TADA3: variants seen among roughly 807,000 people sequenced by gnomAD.
The protein encoded by TADA3 is transcriptional adapter 3.
In TADA3, 25 loss-of-function variants were observed where a neutral mutation model predicts 43.2. That is an observed-to-expected ratio of 0.58 (90% CI 0.42 to 0.81). The LOEUF (loss-of-function observed/expected upper bound fraction) is 0.81. Among genes scored for constraint, TADA3 ranks in the 30% least tolerant of loss-of-function variants. The pLI, the probability that TADA3 is intolerant of heterozygous loss-of-function variation, is 0.00. For synonymous variants in TADA3, 235 were observed against 225.5 expected, an observed-to-expected ratio of 1.04 and a Z score of -0.38; for missense variants, 441 against 567.8, an observed-to-expected ratio of 0.78 and a Z score of 2.27.
chr3:9,781,132 A>G (rs1050555973), intron 8 of TADA3, among the ~76,000 whole-genome samples: 4 of 149,498 alleles, frequency 2.7e-5, no homozygotes, highest in Admixed American at 2.7e-4. Flanking sequence ...TGTGTCTTCA[A>G]AAAAAAAAAG....
At chr3:9,785,052 T>C (rs2078574825) in intron 7 of TADA3, among the ~76,000 whole-genome samples, 1 of 152,348 alleles carries the variant, frequency 6.6e-6, no homozygotes, top group South Asian at 2.1e-4. Context: ...TATTTCATCA[T>C]ATGGAGTTAT....
chr3:9,785,944 T>TG (rs1247642352), intron 6 of TADA3, among the ~76,000 whole-genome samples: 1 of 149,872 alleles, frequency 6.7e-6, no homozygotes, highest in Non-Finnish European at 1.5e-5. Flanking sequence ...TTTGTTTTGT[T>TG]TTTTTTTTTT....
intron 1 of TADA3, 102 bp from the exon 2 acceptor site, chr3:9,791,595 C>T: frequency 1.5e-6 from 1 of 669,430 alleles, no homozygotes; most frequent in East Asian, 2.8e-5. Flanking sequence ...GCTTCAGTCC[C>T]TTACTGACAA....
In TADA3 at chr3:9,789,045, A is replaced by C. The variant is rs1016083119; in HGVS notation, c.564+464T>G. 3.9e-5 allele frequency among the ~76,000 whole-genome samples: 6 copies of C among 152,170 alleles called. No individual in the cohort carries two copies. In the South Asian group the frequency reaches 1.0e-3, roughly 26 times the overall value. Reference sequence around the variant, plus strand: ...GAGATGGGGTTTCACCATGTTGCCCAGGCTGGTCTCAAATTCCTGAGCTCA... The same window carrying C: ...GAGATGGGGTTTCACCATGTTGCCCCGGCTGGTCTCAAATTCCTGAGCTCA... On this transcript the variant is annotated intron_variant, in intron 4 of 8. Coordinates refer to ENST00000301964, the MANE Select transcript of TADA3 (RefSeq NM_006354.5).
Position 9,787,209 on chromosome 3 carries a change from C to T in TADA3, c.696G>A (p.Leu232=), listed in dbSNP as rs908747397. ...KKGLMGPLTE[L]DTKDVDALLK... is the part of the protein sequence containing the mutation. The stretch of plus-strand genomic sequence containing the variant: ...AGGTGAGAGGCCTACCTTTAGTGTC[C>T]AGTTCGGTCAGTGGCCCCATGAGGC... The change falls in exon 5 of 9, where the codon CTG becomes CTA. Residue 232 remains leucine, a synonymous_variant. Coordinates refer to ENST00000301964, the MANE Select transcript of TADA3 (RefSeq NM_006354.5). 53 of 1,614,046 alleles carry T rather than the reference C, an allele frequency of 3.3e-5. No homozygotes were observed. Among genetic ancestry groups the T allele is most frequent in the Non-Finnish European group, 4.3e-5 (51 of 1,180,046 alleles).
intron 6 of TADA3, among the ~76,000 whole-genome samples, chr3:9,786,064 A>G (rs937614524): frequency 1.1e-4 from 17 of 151,866 alleles, no homozygotes; most frequent in African/African-American, 3.9e-4. Context: ...TCAGCCTCCC[A>G]AGTAGTTGGG....
intron 4 of TADA3, 172 bp from the exon 5 acceptor site, chr3:9,787,512 C>A (rs577310943): frequency 1.9e-6 from 2 of 1,046,070 alleles, no homozygotes; most frequent in Non-Finnish European, 1.3e-6. Context: ...ACTTCACACT[C>A]TAGTAAGGGA....
Position 9,780,148 on chromosome 3 carries a change from A to T in TADA3, c.*209T>A. ...ACCCCATCTCGGGGACCAAGCAGAG[A>T]CTAGGCCTCAGGCTAGCCCAGCAGG... On this transcript the variant is annotated 3_prime_UTR_variant, in exon 9 of 9. Coordinates refer to ENST00000301964, the MANE Select transcript of TADA3 (RefSeq NM_006354.5). 1 of 490,750 alleles carries T rather than the reference A, an allele frequency of 2.0e-6. No individual in the cohort carries two copies. Among genetic ancestry groups the T allele is most frequent in the South Asian group, 3.8e-5 (1 of 26,404 alleles). The allele number at this position is 490,750 out of a possible 1,614,324, so 30.4% of individuals were successfully genotyped here. A position where few individuals can be genotyped will look rare whatever the true frequency, so the allele number is the denominator to read the frequency against.
chr3:9,787,951 G>C (rs1198371552), intron 4 of TADA3: 15 of 349,620 alleles, frequency 4.3e-5, no homozygotes, highest in Admixed American at 1.6e-4. Context: ...AGGCTGTGGT[G>C]TCCTGGAATG....
chr3:9,792,529 G>C (rs1304989276), upstream of TADA3: 63 of 1,224,418 alleles, frequency 5.1e-5, no homozygotes, highest in Admixed American at 8.5e-5. Flanking sequence ...GCGAGGGCGA[G>C]CCTACTGGAG....
rs1482265322 is a variant in TADA3, at chr3:9,787,311, C to G, written c.594G>C (p.Gln198His). 9 of 1,613,618 alleles carry G rather than the reference C, an allele frequency of 5.6e-6. No individual in the cohort carries two copies. Among genetic ancestry groups the G allele is most frequent in the Non-Finnish European group, 7.6e-6 (9 of 1,179,824 alleles). Residue 198 changes from glutamine (Q) to histidine (H), a missense_variant, in exon 5 of 9, where the codon CAG becomes CAC. Gln to His is a conservative substitution (Grantham distance 24). Coordinates refer to ENST00000301964, the MANE Select transcript of TADA3 (RefSeq NM_006354.5). ...CCAGCAGGTCCTCCTGGGCCCAGCG[C>G]TGGGAGTAGTGCTTCCCCAGGGGTG... ...KIPPLGKHYS[Q>H]RWAQEDLLEE...
intron 8 of TADA3, chr3:9,781,579 G>T: frequency 4.4e-6 from 2 of 456,524 alleles, no homozygotes; most frequent in Non-Finnish European, 8.8e-6. Flanking sequence ...CTAAGGTCTA[G>T]GCAGCCTGAG....
upstream of TADA3, chr3:9,792,560 G>A: frequency 2.4e-6 from 3 of 1,228,516 alleles, no homozygotes; most frequent in East Asian, 3.2e-5. Flanking sequence ...GTGGGAAGAA[G>A]GTGGGCCTCG....
chr3:9,792,498 T>A, upstream of TADA3: 1 of 1,213,584 alleles, frequency 8.2e-7, no homozygotes, highest in Non-Finnish European at 1.0e-6. Flanking sequence ...CCCTTGCAGT[T>A]GACGCGGGGG....
chr3:9,789,704 GC>G lies in TADA3; in HGVS notation c.458+8del. 6.2e-7 allele frequency: 1 copy of G among 1,611,692 alleles called. No individual in the cohort carries two copies. The highest frequency in any genetic ancestry group is 8.5e-7 in the Non-Finnish European group (1 of 1,178,170). On this transcript the variant is annotated splice_region_variant and intron_variant, in intron 3 of 8. Coordinates refer to ENST00000301964, the MANE Select transcript of TADA3 (RefSeq NM_006354.5). ...TTGAGGCCCCCTTCTATGTTCTCTA[GC>G]CCAGAACCTGTTGGGGGCATCATTT...
chr3:9,792,734 T>C (rs1260205014), upstream of TADA3: 1 of 1,238,820 alleles, frequency 8.1e-7, no homozygotes, highest in East Asian at 3.2e-5. Flanking sequence ...AGGATGGGGG[T>C]ACAGAACCGG....
At chr3:9,791,752 G>A (rs932102685) in intron 1 of TADA3, among the ~76,000 whole-genome samples, 17 of 152,200 alleles carry the variant, frequency 1.1e-4, no homozygotes, top group African/African-American at 3.9e-4. Flanking sequence ...GAAAGAAACT[G>A]AGACTCTGTA....
In TADA3 at chr3:9,783,948, GT is replaced by G. The variant is rs1559716840; in HGVS notation, c.1106+79del. The G allele has an allele frequency of 9.4e-6, 14 of 1,482,976 alleles. No homozygotes were observed. The East Asian group carries it at 1.5e-4, about 16-fold the overall frequency. 91.9% of individuals were successfully genotyped at this position (1,482,976 alleles called of 1,614,324 possible). A position where few individuals can be genotyped will look rare whatever the true frequency, so the allele number is the denominator to read the frequency against. On this transcript the variant is annotated intron_variant, in intron 8 of 8. Transcript: ENST00000301964. ...GCCAGCCAGGATTGGAAAGCCTGTT[GT>G]AAAACCCCTGAAAGGTGACTAGCCG...
intron 6 of TADA3, among the ~76,000 whole-genome samples, chr3:9,786,528 T>A (rs931823217): frequency 1.3e-5 from 2 of 152,196 alleles, no homozygotes; most frequent in African/African-American, 4.8e-5. Context: ...AGGGTTTGAA[T>A]CCTGGTGTGT....
Sources: allele counts gnomAD v4.1 joint callset (sites outside exome capture counted in the v4.1 genomes callset), GRCh38; gene constraint gnomAD v4.1.1; transcripts MANE v1.5; gene names NCBI Gene and HGNC (gene_info 2026-07-23, HGNC 2026-07-21).